ACSBG2: variants seen among roughly 807,000 people sequenced by gnomAD.
ACSBG2 encodes the protein acyl-CoA synthetase bubblegum family member 2.
In ACSBG2, 62 loss-of-function variants were observed where a neutral mutation model predicts 74.7. The ratio of observed to expected loss-of-function variants is 0.83; its 90% confidence interval spans 0.68 to 1.03. The LOEUF (loss-of-function observed/expected upper bound fraction) is 1.03, where lower values mean the gene tolerates loss of function less well. Among genes scored for constraint, ACSBG2 ranks in the 50% least tolerant of loss-of-function variants. The pLI is 0.00. For missense variants in ACSBG2, 730 were observed against 817.6 expected, an observed-to-expected ratio of 0.89 and a Z score of 1.31; for synonymous variants, 309 against 294.1, an observed-to-expected ratio of 1.05 and a Z score of -0.52.
At chr19:6,164,454 A>G (rs1399050459) in intron 6 of ACSBG2, among the ~76,000 whole-genome samples, 3 of 131,762 alleles carry the variant, frequency 2.3e-5, no homozygotes, top group Non-Finnish European at 4.7e-5. Flanking sequence ...TTTTTTTGAG[A>G]TGGAGTTTCA....
intron 4 of ACSBG2, among the ~76,000 whole-genome samples, chr19:6,153,380 G>A (rs2089300622): frequency 6.6e-6 from 1 of 152,170 alleles, no homozygotes; most frequent in African/African-American, 2.4e-5. Flanking sequence ...ATGATCCCAA[G>A]TAATAATGAT....
intron 13 of ACSBG2, among the ~76,000 whole-genome samples, chr19:6,189,328 C>T (rs1224806786): frequency 2.0e-5 from 3 of 152,144 alleles, no homozygotes; most frequent in African/African-American, 7.2e-5. Context: ...TGCCTCTCTT[C>T]CCCCATGAGG....
chr19:6,161,758 A>G (rs890641937), intron 6 of ACSBG2, among the ~76,000 whole-genome samples: 2 of 152,058 alleles, frequency 1.3e-5, no homozygotes, highest in African/African-American at 4.8e-5. Context: ...AAAAGGACGT[A>G]GGCGGGACCT....
chr19:6,192,360 C>T (rs1018868531), intron 14 of ACSBG2, among the ~76,000 whole-genome samples: 5 of 152,146 alleles, frequency 3.3e-5, no homozygotes, highest in Admixed American at 6.5e-5. Flanking sequence ...TGGCCTCAAG[C>T]GATCCTCCTG....
chr19:6,156,661 C>A, intron 5 of ACSBG2, 110 bp downstream of exon 5: 1 of 1,233,650 alleles, frequency 8.1e-7, no homozygotes, highest in Non-Finnish European at 1.1e-6. Context: ...TAGGGCCATG[C>A]ATCTGTTCAG....
chr19:6,151,531 G>A (rs112188172), intron 3 of ACSBG2, among the ~76,000 whole-genome samples, 176 bp from the exon 4 acceptor site: 5 of 152,088 alleles, frequency 3.3e-5, no homozygotes, highest in African/African-American at 9.6e-5. Context: ...GGCTGGTCTC[G>A]AACTTCTGGC....
chr19:6,167,733 C>T (rs1231481160), intron 7 of ACSBG2, among the ~76,000 whole-genome samples: 1 of 152,148 alleles, frequency 6.6e-6, no homozygotes, highest in Non-Finnish European at 1.5e-5. Flanking sequence ...AACTTGGCTT[C>T]CTGTAAAATT....
intron 13 of ACSBG2, 88 bp from the exon 14 acceptor site, chr19:6,190,496 G>A (rs895253316): frequency 8.7e-7 from 1 of 1,152,570 alleles, no homozygotes; most frequent in Non-Finnish European, 1.3e-6. Context: ...CCTAGCCCCA[G>A]GCATGGGACT....
At chr19:6,148,647 GAAAAA>G (rs55936682) in intron 3 of ACSBG2, among the ~76,000 whole-genome samples, 16 of 145,680 alleles carry the variant, frequency 1.1e-4, no homozygotes, top group African/African-American at 1.5e-4. Context: ...GTGTCATAAA[GAAAAA>G]AAAAAAAAAA....
chr19:6,158,152 T>A (rs1403425533), intron 5 of ACSBG2, among the ~76,000 whole-genome samples: 1 of 151,698 alleles, frequency 6.6e-6, no homozygotes, highest in East Asian at 1.9e-4. Flanking sequence ...GCCTCCCAGG[T>A]TCACGTCATT....
chr19:6,163,086 C>A (rs186319608), intron 6 of ACSBG2, among the ~76,000 whole-genome samples: 101 of 149,550 alleles, frequency 6.8e-4, no homozygotes, highest in African/African-American at 2.5e-3. Flanking sequence ...ACTAGCCTGG[C>A]CAACATGGAG....
At chr19:6,170,481 C>T (rs1600095783) in intron 7 of ACSBG2, among the ~76,000 whole-genome samples, 1 of 152,062 alleles carries the variant, frequency 6.6e-6, no homozygotes, top group African/African-American at 2.4e-5. Flanking sequence ...GTTTTTATTG[C>T]TTCTTTAATT....
Position 6,135,687 on chromosome 19 carries a change from T to G in ACSBG2, c.-254T>G, listed in dbSNP as rs2088537657. ...AGGTTGAATGGGGTAGAAGGCCTGT[T>G]GTGGAGGGAAACCACCCATCCTCCT... On this transcript the variant is annotated 5_prime_UTR_variant, in exon 1 of 15. Coordinates refer to ENST00000588485, the MANE Select transcript of ACSBG2 (RefSeq NM_030924.5). 6.6e-6 allele frequency: 1 copy of G among 152,256 alleles called. No individual in the cohort carries two copies. The allele number at this position is 152,256 out of a possible 1,614,324, so 9.4% of individuals were successfully genotyped here. A position where few individuals can be genotyped will look rare whatever the true frequency, so the allele number is the denominator to read the frequency against.
chr19:6,181,822 C>CCCCT (rs1555696908), intron 8 of ACSBG2, among the ~76,000 whole-genome samples: 1 of 125,788 alleles, frequency 7.9e-6, no homozygotes, highest in African/African-American at 3.1e-5. Flanking sequence ...CGCCCCCCCC[C>CCCCT]CCAACGAAAT....
intron 14 of ACSBG2, chr19:6,191,058 A>G (rs59390131): frequency 0.049 from 8,503 of 175,258 alleles, 488 homozygotes; most frequent in African/African-American, 0.15. Flanking sequence ...CCTTTGTCAG[A>G]AACTTTAGTG....
intron 5 of ACSBG2, 101 bp from the exon 6 acceptor site, chr19:6,161,114 A>AATT: frequency 1.2e-6 from 1 of 839,436 alleles, no homozygotes. Context: ...AAAAAAAAAG[A>AATT]GGCTAGAGTT....
At chr19:6,185,738 C>A in intron 11 of ACSBG2, 85 bp downstream of exon 11, 1 of 1,407,286 alleles carries the variant, frequency 7.1e-7, no homozygotes, top group Non-Finnish European at 9.9e-7. Flanking sequence ...GCACGAAGGC[C>A]ACCCCCAGTT....
intron 5 of ACSBG2, 40 bp downstream of exon 5, chr19:6,156,591 G>A: frequency 6.7e-7 from 1 of 1,495,504 alleles, no homozygotes; most frequent in Non-Finnish European, 8.9e-7. Context: ...AGTCACCCAG[G>A]GGTACCTCAG....
intron 2 of ACSBG2, among the ~76,000 whole-genome samples, chr19:6,144,535 GTGC>G (rs1180209572): frequency 6.6e-6 from 1 of 152,194 alleles, no homozygotes; most frequent in African/African-American, 2.4e-5. Context: ...GAAGGAACCA[GTGC>G]TGCCTGCACC....
Sources: allele counts gnomAD v4.1 joint callset (sites outside exome capture counted in the v4.1 genomes callset), GRCh38; gene constraint gnomAD v4.1.1; transcripts MANE v1.5; gene names NCBI Gene and HGNC (gene_info 2026-07-23, HGNC 2026-07-21).